RTL4: variants seen among roughly 807,000 people sequenced by gnomAD.
RTL4 encodes retrotransposon Gag like 4.
A neutral mutation model predicts 5.3 loss-of-function variants in RTL4; 4 were observed. The ratio of observed to expected loss-of-function variants is 0.75; its 90% CI spans 0.37 to 1.72. The LOEUF is 1.72. Among genes scored for constraint, RTL4 ranks in the 40% most tolerant of loss-of-function variants. The pLI is 0.04. For missense variants in RTL4, 260 were observed against 227.1 expected (o/e 1.14, Z -0.93); for synonymous variants, 98 against 87.3 (o/e 1.12, Z -0.68).
At chrX:112,355,552 AG>A in the RTL4 span, among the ~76,000 whole-genome samples, 1 of 111,585 alleles carries the variant, frequency 9.0e-6, no homozygotes, top group East Asian at 2.8e-4. Context: ...TGCCAACAAA[AG>A]TCATCCTTTT....
At chrX:112,121,454 A>G in the RTL4 span, among the ~76,000 whole-genome samples, 2 of 112,159 alleles carry the variant, frequency 1.8e-5, no homozygotes, top group Non-Finnish European at 3.8e-5. Flanking sequence ...TAACTATGAT[A>G]ACATTTAAGG....
the RTL4 span, among the ~76,000 whole-genome samples, chrX:112,238,780 A>G: frequency 2.8e-3 from 316 of 111,660 alleles, no homozygotes; most frequent in African/African-American, 9.4e-3. Context: ...AGCTCCAAGA[A>G]AAGCCTGTCC....
chrX:112,191,280 G>C, the RTL4 span, among the ~76,000 whole-genome samples: 1 of 111,767 alleles, frequency 8.9e-6, no homozygotes, highest in Non-Finnish European at 1.9e-5. Context: ...CCTAGTTTCT[G>C]ACATATTCCC....
At chrX:112,202,380 G>A in the RTL4 span, among the ~76,000 whole-genome samples, 1 of 109,860 alleles carries the variant, frequency 9.1e-6, no homozygotes, top group African/African-American at 3.3e-5. Flanking sequence ...ACCTGCACAA[G>A]ACCATCTGTG....
the RTL4 span, among the ~76,000 whole-genome samples, chrX:112,183,005 T>C: frequency 8.9e-6 from 1 of 112,123 alleles, no homozygotes; most frequent in Non-Finnish European, 1.9e-5. Flanking sequence ...TGGGAGCCAA[T>C]ATTCCACATT....
chrX:112,266,729 T>G, the RTL4 span, among the ~76,000 whole-genome samples: 1 of 111,163 alleles, frequency 9.0e-6, no homozygotes, highest in African/African-American at 3.3e-5. Flanking sequence ...TCAGGCAACA[T>G]GTTTGGTATG....
chrX:112,087,228 C>T, the RTL4 span, among the ~76,000 whole-genome samples: 1 of 110,606 alleles, frequency 9.0e-6, no homozygotes, highest in Non-Finnish European at 1.9e-5. Flanking sequence ...TTTGCCTGCC[C>T]CCTCCCCAGC....
At chrX:112,419,760 T>C in the RTL4 span, among the ~76,000 whole-genome samples, 3 of 106,142 alleles carry the variant, frequency 2.8e-5, no homozygotes, top group Admixed American at 2.1e-4. Flanking sequence ...TTTTGACCCA[T>C]TGTCTTTGTA....
the RTL4 span, among the ~76,000 whole-genome samples, chrX:112,421,816 T>C: frequency 8.9e-6 from 1 of 112,622 alleles, no homozygotes; most frequent in Non-Finnish European, 1.9e-5. Context: ...TGACTTCTAC[T>C]ACATAAGCTC....
At chrX:112,131,961 C>G in the RTL4 span, among the ~76,000 whole-genome samples, 1 of 111,382 alleles carries the variant, frequency 9.0e-6, no homozygotes, top group African/African-American at 3.3e-5. Flanking sequence ...TGAAGTAGTA[C>G]CTATTATTCC....
the RTL4 span, among the ~76,000 whole-genome samples, chrX:112,102,032 G>A: frequency 9.0e-6 from 1 of 110,851 alleles, no homozygotes; most frequent in African/African-American, 3.3e-5. Flanking sequence ...AAAAGAATAT[G>A]TTTCTTTTGT....
the RTL4 span, among the ~76,000 whole-genome samples, chrX:112,321,396 T>C: frequency 9.3e-6 from 1 of 107,652 alleles, no homozygotes; most frequent in Non-Finnish European, 1.9e-5. Context: ...ATTCGCTGGG[T>C]GTGGTGGCGC....
the RTL4 span, among the ~76,000 whole-genome samples, chrX:112,434,462 G>A: frequency 8.9e-6 from 1 of 111,778 alleles, no homozygotes; most frequent in East Asian, 2.8e-4. Flanking sequence ...TTAGTCTTGG[G>A]AGGGTGTATG....
chrX:112,254,487 G>A, the RTL4 span, among the ~76,000 whole-genome samples: 1 of 110,376 alleles, frequency 9.1e-6, no homozygotes, highest in Non-Finnish European at 1.9e-5. Flanking sequence ...ACGCCACTAC[G>A]CCCAGCTAAC....
At chrX:112,275,102 T>C in the RTL4 span, among the ~76,000 whole-genome samples, 2,221 of 111,071 alleles carry the variant, frequency 0.02, 54 homozygotes, top group African/African-American at 0.068. Context: ...ACGGGTTAAC[T>C]GCCACGTTAT....
the RTL4 span, among the ~76,000 whole-genome samples, chrX:112,328,222 A>C: frequency 9.0e-6 from 1 of 110,749 alleles, no homozygotes; most frequent in East Asian, 2.8e-4. Context: ...AAATTGGATA[A>C]AGAGTCAAGA....
the RTL4 span, among the ~76,000 whole-genome samples, chrX:112,355,870 G>A: frequency 3.6e-5 from 4 of 111,583 alleles, no homozygotes; most frequent in African/African-American, 9.8e-5. Context: ...ATTCTGTACA[G>A]CTGGAGAACA....
At chrX:112,309,781 C>G in the RTL4 span, among the ~76,000 whole-genome samples, 1 of 108,764 alleles carries the variant, frequency 9.2e-6, no homozygotes, top group Non-Finnish European at 1.9e-5. Flanking sequence ...TATACACATA[C>G]ACATATATAT....
chrX:112,248,523 T>C, the RTL4 span, among the ~76,000 whole-genome samples: 1 of 112,542 alleles, frequency 8.9e-6, no homozygotes, highest in African/African-American at 3.2e-5. Flanking sequence ...CAATTCGCCA[T>C]TCTGCACCAT....
Sources: gnomAD v4.1 joint callset for allele counts (sites outside exome capture counted in the v4.1 genomes callset) on GRCh38, gnomAD v4.1.1 for gene constraint, MANE v1.5 for transcripts, NCBI Gene and HGNC (gene_info 2026-07-23, HGNC 2026-07-21) for gene names.